The following BEND3 variants were observed in gnomAD, a reference collection of about 807,000 sequenced individuals.
BEND3 encodes BEN domain containing 3.
BEND3 carries 13 observed loss-of-function variants against 60.1 expected under a neutral mutation model. The ratio of observed to expected loss-of-function variants is 0.22; its 90% CI spans 0.14 to 0.34. The LOEUF (loss-of-function observed/expected upper bound fraction) is 0.34, where lower values mean the gene tolerates loss of function less well. BEND3 is among the 10% of genes least tolerant of loss of function. The pLI is 1.00. For synonymous variants in BEND3, 497 were observed against 491.5 expected (o/e 1.01, Z -0.15); for missense variants, 896 against 1,138.1 (o/e 0.79, Z 3.06).
rs1774942289 is a variant in BEND3, at chr6:107,070,273, G to A, written c.918C>T (p.Leu306=). 1.2e-6 allele frequency: 2 copies of A among 1,613,046 alleles called. No homozygotes were observed. Among genetic ancestry groups the A allele is most frequent in the East Asian group, 2.2e-5 (1 of 44,880 alleles). The change falls in exon 4 of 4, where the codon CTC becomes CTT. Residue 306 remains leucine, a synonymous_variant. Coordinates refer to ENST00000369042, the MANE Select transcript of BEND3 (RefSeq NM_001367314.1). The surrounding 1 kb of genome is among the most constrained non-coding windows in gnomAD (Gnocchi z 6.9). ...AGTAGACCTCCACATAGTTGCGGAT[G>A]AGCTGCAGGTGCAGCGACTCCAGCT... ...KRKLESLHLQ[L]IRNYVEVYYP... is the part of the protein sequence containing the mutation.
At position 107,103,178 on chromosome 6, in the gene BEND3, G is replaced by C. The variant is rs140365166; in HGVS notation, c.-11-3882C>G. On this transcript the variant is annotated intron_variant, in intron 1 of 3. Coordinates refer to ENST00000369042, the MANE Select transcript of BEND3 (RefSeq NM_001367314.1). ...ACAGAAAAGCTTCTACAAGAGAGAT[G>C]TGTAGGCCACTCCCTGCATCCCCAG... is the stretch of plus-strand genomic sequence containing the variant. 4.0e-4 allele frequency among the ~76,000 whole-genome samples: 61 copies of C among 152,288 alleles called. No individual in the cohort carries two copies. In the East Asian group the frequency reaches 0.012, roughly 29 times the overall value.
chr6:107,085,640 T>C (rs1377586034), intron 3 of BEND3, among the ~76,000 whole-genome samples: 2 of 148,336 alleles, frequency 1.3e-5, no homozygotes, highest in Non-Finnish European at 3.0e-5. Flanking sequence ...TACAGGCGCC[T>C]GCCACCACGC....
At chr6:107,078,285 G>A (rs1173782904) in intron 3 of BEND3, among the ~76,000 whole-genome samples, 1 of 152,008 alleles carries the variant, frequency 6.6e-6, no homozygotes, top group African/African-American at 2.4e-5. Flanking sequence ...GGGGAGAGAA[G>A]ACAGGAGATG....
In BEND3 at chr6:107,088,593, A is replaced by C. The variant is rs146428769; in HGVS notation, c.240+9958T>G. On this transcript the variant is annotated intron_variant, in intron 3 of 3. Transcript: ENST00000369042. The stretch of plus-strand genomic sequence containing the variant: ...AATCAAAGATTAAAAAAAATCCTGA[A>C]AGAAGTAAGGTGGGGAACAAAACAC... Among the ~76,000 whole-genome samples the C allele has an allele frequency of 2.8e-3, 419 of 152,316 alleles. 5 individuals carry two copies. The highest frequency in any genetic ancestry group is 9.9e-3 in the African/African-American group (410 of 41,574).
At chr6:107,104,698 G>A (rs1482087107) in intron 1 of BEND3, among the ~76,000 whole-genome samples, 1 of 149,550 alleles carries the variant, frequency 6.7e-6, no homozygotes, top group African/African-American at 2.5e-5. Context: ...TTTTTAAGAT[G>A]GGTTCTGTCA....
chr6:107,110,683 C>T (rs991606898), intron 1 of BEND3, among the ~76,000 whole-genome samples: 4 of 152,048 alleles, frequency 2.6e-5, no homozygotes, highest in Non-Finnish European at 4.4e-5. Flanking sequence ...GCTTCAGCCT[C>T]CCGAGTAGCT....
rs1425568400 is a variant in BEND3 at position 107,066,953 on chromosome 6, A to G, written c.*1751T>C. The G allele has an allele frequency of 1.3e-5, 2 of 152,144 alleles. No individual in the cohort carries two copies. Among genetic ancestry groups the G allele is most frequent in the Non-Finnish European group, 2.9e-5 (2 of 68,008 alleles). The allele number at this position is 152,144 out of a possible 1,614,324, so 9.4% of individuals were successfully genotyped here. On this transcript the variant is annotated 3_prime_UTR_variant, in exon 4 of 4. Transcript: ENST00000369042. ...CTTTTAGTAAGCAGTGCGTGTGTGC[A>G]TGAGTAGCTGTGTAAGACAGAGAGT...
intron 1 of BEND3, among the ~76,000 whole-genome samples, chr6:107,108,196 C>T (rs559717793): frequency 2.0e-5 from 3 of 152,204 alleles, no homozygotes; most frequent in Non-Finnish European, 4.4e-5. Context: ...CCTCATCTTC[C>T]GCATGCAGCC....
At chr6:107,087,023 T>TAAAAA (rs58435912) in intron 3 of BEND3, among the ~76,000 whole-genome samples, 1 of 80,830 alleles carries the variant, frequency 1.2e-5, no homozygotes, top group African/African-American at 5.0e-5. Context: ...AGACTCTGTC[T>TAAAAA]AAAAAAAAAA....
chr6:107,072,602 T>C (rs1554232216), intron 3 of BEND3, among the ~76,000 whole-genome samples: 1 of 152,182 alleles, frequency 6.6e-6, no homozygotes, highest in Non-Finnish European at 1.5e-5. Flanking sequence ...AGGCTGAGAA[T>C]AGGCAGATCC....
intron 1 of BEND3, among the ~76,000 whole-genome samples, chr6:107,103,959 A>AAAAGAAAGAAAGAAAG (rs377110388): frequency 1.4e-4 from 15 of 107,864 alleles, no homozygotes; most frequent in African/African-American, 1.9e-4. Flanking sequence ...AAAAAAAAAA[A>AAAAGAAAGAAAGAAAG]AAAGAAAGAA....
At chr6:107,091,682 T>A (rs1554235239) in intron 3 of BEND3, among the ~76,000 whole-genome samples, 1 of 152,074 alleles carries the variant, frequency 6.6e-6, no homozygotes, top group African/African-American at 2.4e-5. Flanking sequence ...AAACACAAAG[T>A]ACCAGGCCCA....
intron 1 of BEND3, among the ~76,000 whole-genome samples, chr6:107,107,974 T>C (rs1775856464): frequency 6.6e-6 from 1 of 152,192 alleles, no homozygotes. Context: ...CAGGACCGGC[T>C]GGGAGCCTCA....
At chr6:107,086,174 G>C (rs782339141) in intron 3 of BEND3, among the ~76,000 whole-genome samples, 2 of 152,182 alleles carry the variant, frequency 1.3e-5, no homozygotes, top group Non-Finnish European at 2.9e-5. Flanking sequence ...TAACTGACCA[G>C]AAGGGAGATA....
rs868917129 is a variant in BEND3, at chr6:107,097,428, G to A, written c.240+1123C>T. 1.8e-4 allele frequency among the ~76,000 whole-genome samples: 27 copies of A among 149,150 alleles called. 1 individual carries two copies. In the Middle Eastern group the frequency reaches 0.021, roughly 114 times the overall value. On this transcript the variant is annotated intron_variant, in intron 3 of 3. Transcript: ENST00000369042. The stretch of plus-strand genomic sequence containing the variant: ...TTAGAGAAACAAGTTGTTTAAAAAA[G>A]AAAAGCCATTCAGACCAGAATAAAG...
At chr6:107,103,395 G>A (rs782421991) in intron 1 of BEND3, among the ~76,000 whole-genome samples, 9 of 152,274 alleles carry the variant, frequency 5.9e-5, no homozygotes, top group Admixed American at 2.0e-4. Flanking sequence ...TATAGGCTAC[G>A]TAGGCGCTGC....
At chr6:107,079,106 C>T (rs576568605) in intron 3 of BEND3, among the ~76,000 whole-genome samples, 4 of 152,064 alleles carry the variant, frequency 2.6e-5, no homozygotes, top group Admixed American at 6.6e-5. Context: ...CAGAAACACA[C>T]GGGTGGAGGA....
chr6:107,103,959 AAAAGAAAGAAAG>A (rs377110388), intron 1 of BEND3, among the ~76,000 whole-genome samples: 3,204 of 107,852 alleles, frequency 0.03, 143 homozygotes, highest in African/African-American at 0.096. Flanking sequence ...AAAAAAAAAA[AAAAGAAAGAAAG>A]AAAGAAAGAA....
chr6:107,089,137 CAAA>C (rs35806140), intron 3 of BEND3, among the ~76,000 whole-genome samples: 7 of 139,450 alleles, frequency 5.0e-5, no homozygotes, highest in Admixed American at 7.1e-5. Context: ...GACTCCGTCT[CAAA>C]AAAAAAAAAA....
Sources: allele counts gnomAD v4.1 joint callset (sites outside exome capture counted in the v4.1 genomes callset), GRCh38; gene constraint gnomAD v4.1.1; non-coding constraint Gnocchi (gnomAD v3.1); transcripts MANE v1.5; gene names NCBI Gene and HGNC (gene_info 2026-07-23, HGNC 2026-07-21).